EBF4: variants seen among roughly 807,000 people sequenced by gnomAD.
EBF4 encodes the protein transcription factor COE4.
Under a neutral mutation model 67.1 loss-of-function variants are expected in EBF4, and 34 were observed. The observed-to-expected ratio is 0.51, with a 90% CI of 0.39 to 0.67. The LOEUF (loss-of-function observed/expected upper bound fraction) is 0.67, where lower values mean the gene tolerates loss of function less well. Among genes scored for constraint, EBF4 ranks in the 30% least tolerant of loss-of-function variants. EBF4 has a pLI of 0.00. For synonymous variants in EBF4, 387 were observed against 377.7 expected, an observed-to-expected ratio of 1.02 and a Z score of -0.29; for missense variants, 837 against 873.3, an observed-to-expected ratio of 0.96 and a Z score of 0.52.
At chr20:2,741,955 A>C (rs917896190) in intron 6 of EBF4, among the ~76,000 whole-genome samples, 1 of 152,168 alleles carries the variant, frequency 6.6e-6, no homozygotes, top group African/African-American at 2.4e-5. Context: ...AAAAGCCCAA[A>C]ACTAGGAGCA....
chr20:2,706,020 G>A (rs202097996), exon 3 of EBF4: 112 of 1,551,452 alleles, frequency 7.2e-5, no homozygotes, highest in South Asian at 8.3e-5. Flanking sequence ...TACCGCCTCC[G>A]GCTGGTGTAT....
chr20:2,698,207 G>A (rs1178745074), intron 1 of EBF4, among the ~76,000 whole-genome samples: 1 of 152,196 alleles, frequency 6.6e-6, no homozygotes, highest in Non-Finnish European at 1.5e-5. Flanking sequence ...CAATTTCCTG[G>A]GGCAGGTGAG....
intron 10 of EBF4, among the ~76,000 whole-genome samples, chr20:2,750,806 C>G (rs1376783555): frequency 6.6e-6 from 1 of 152,158 alleles, no homozygotes; most frequent in East Asian, 1.9e-4. Flanking sequence ...CTGAGCCCGG[C>G]TCAACCGAAA....
At chr20:2,727,426 G>A (rs954372436) in intron 6 of EBF4, among the ~76,000 whole-genome samples, 2 of 152,184 alleles carry the variant, frequency 1.3e-5, no homozygotes, top group African/African-American at 4.8e-5. Context: ...AAGTGCCACA[G>A]TTGTCCCTGC....
rs943264329 is a variant in EBF4, at chr20:2,752,748, C to T, written c.1540+203C>T. Among the ~76,000 whole-genome samples, 13 of 152,348 alleles carry T rather than the reference C, an allele frequency of 8.5e-5. No individual in the cohort carries two copies. The East Asian group carries it at 2.5e-3, about 29-fold the overall frequency. ...AACCCCACCCCTAGGCTGCACATCC[C>T]GGGGTCCTGGGGCCAGAGTACTCCG... On this transcript the variant is annotated intron_variant, in intron 14 of 16. Coordinates refer to ENST00000609451, the Ensembl canonical transcript of EBF4.
chr20:2,718,630 C>G (rs2146417112), intron 6 of EBF4, among the ~76,000 whole-genome samples: 1 of 152,270 alleles, frequency 6.6e-6, no homozygotes, highest in Admixed American at 6.5e-5. Context: ...AGTGATGTCA[C>G]CTCTCTCATT....
At chr20:2,749,697 G>A (rs1248044452) in exon 9 of EBF4, 5 of 1,562,560 alleles carry the variant, frequency 3.2e-6, no homozygotes, top group Non-Finnish European at 4.3e-6. Context: ...TGTCATCGGC[G>A]ACAACTTCTT....
At chr20:2,692,893 C>A (rs1423122124), upstream of EBF4, 6 of 145,184 alleles carry the variant, frequency 4.1e-5, no homozygotes, top group South Asian at 5.4e-4. This position sits in a 1 kb window ranked among gnomAD's most constrained non-coding sequence, Gnocchi z 6.4. Context: ...CGCGGCGGGG[C>A]GGCGCGGGAA....
intron 6 of EBF4, among the ~76,000 whole-genome samples, chr20:2,736,889 G>A (rs1200977026): frequency 6.6e-6 from 1 of 152,222 alleles, no homozygotes; most frequent in Non-Finnish European, 1.5e-5. Context: ...CCGAAGCCAA[G>A]CTTAGGGCCA....
rs763058543 is a variant in EBF4, at chr20:2,737,215, A to C, written c.558-11334A>C. Reference sequence around the variant, plus strand: ...CAGTGAGCCGAGATCGCGCCACTGCACTCCAGCTTGGGTAACAGGAGCGAA... The same window carrying C: ...CAGTGAGCCGAGATCGCGCCACTGCCCTCCAGCTTGGGTAACAGGAGCGAA... On this transcript the variant is annotated intron_variant, in intron 6 of 16. Coordinates refer to ENST00000609451, the Ensembl canonical transcript of EBF4. Among the ~76,000 whole-genome samples the C allele has an allele frequency of 1.1e-3, 159 of 146,848 alleles. 2 individuals are homozygous for C. Among genetic ancestry groups the C allele is most frequent in the Non-Finnish European group, 4.3e-4 (29 of 67,222 alleles).
At chr20:2,750,524 G>T (rs1351903451) in intron 10 of EBF4, among the ~76,000 whole-genome samples, 1 of 151,980 alleles carries the variant, frequency 6.6e-6, no homozygotes, top group Non-Finnish European at 1.5e-5. Context: ...CTATTTGGCC[G>T]CTGGCCGAGT....
At chr20:2,737,211 C>A (rs1227964678) in intron 6 of EBF4, among the ~76,000 whole-genome samples, 1 of 147,238 alleles carries the variant, frequency 6.8e-6, no homozygotes, top group Non-Finnish European at 1.5e-5. Context: ...GATCGCGCCA[C>A]TGCACTCCAG....
At chr20:2,748,662 C>G in intron 7 of EBF4, 32 bp downstream of exon 7, 1 of 1,543,310 alleles carries the variant, frequency 6.5e-7, no homozygotes, top group Non-Finnish European at 8.8e-7. Context: ...CCCCTTGCAA[C>G]CCCACCCTTT....
chr20:2,694,652 C>T (rs898194095), intron 1 of EBF4, among the ~76,000 whole-genome samples: 9 of 152,148 alleles, frequency 5.9e-5, no homozygotes, highest in African/African-American at 2.2e-4. Flanking sequence ...ACAGCTGGGA[C>T]AGGGTGGGCA....
chr20:2,718,159 G>A (rs1354660552), intron 6 of EBF4, among the ~76,000 whole-genome samples: 3 of 152,078 alleles, frequency 2.0e-5, no homozygotes, highest in East Asian at 1.9e-4. Flanking sequence ...CACTTAATAA[G>A]GATGTATTAT....
In EBF4 at chr20:2,693,782, G is replaced by T; in HGVS notation, c.137G>T (p.Ser46Ile). 7.5e-7 allele frequency: 1 copy of T among 1,325,024 alleles called. No individual in the cohort carries two copies. Among genetic ancestry groups the T allele is most frequent in the Non-Finnish European group, 9.6e-7 (1 of 1,038,642 alleles). 82.1% of individuals were successfully genotyped at this position (1,325,024 alleles called of 1,614,324 possible). A position where few individuals can be genotyped will look rare whatever the true frequency, so the allele number is the denominator to read the frequency against. Residue 46 changes from serine to isoleucine, a missense_variant and splice_region_variant, in exon 1 of 17, where the codon AGT becomes ATT. Physicochemically the swap from Ser to Ile is moderately radical, Grantham distance 142 (BLOSUM62 -2). Around this residue, in one of 3 missense-constraint regions of EBF4, gnomAD observed 86 missense variants for 70.3 expected, o/e 1.22. Coordinates refer to ENST00000609451, the Ensembl canonical transcript of EBF4. The surrounding 1 kb of genome is among the most constrained non-coding windows in gnomAD (Gnocchi z 4.6). ...CTGGACGCCAGCACCGCGGCGCAGA[G>T]GTAAGCGCTCGGACCGGACCCGGTG... is the stretch of plus-strand genomic sequence containing the variant.
chr20:2,748,104 T>C lies in EBF4; in HGVS notation c.558-445T>C, dbSNP rs949643444. On this transcript the variant is annotated intron_variant, in intron 6 of 16. Transcript: ENST00000609451. ...TGGGTGATGAGCATATACTGTGACGTATACACAGTGTGTGATAACATTACA... is the reference window on the plus strand; with the variant it reads ...TGGGTGATGAGCATATACTGTGACGCATACACAGTGTGTGATAACATTACA... Among the ~76,000 whole-genome samples, 5 of 152,294 alleles carry C rather than the reference T, an allele frequency of 3.3e-5. No individual in the cohort carries two copies. The East Asian group carries it at 9.6e-4, about 29-fold the overall frequency.
At chr20:2,750,425 A>G (rs971283944) in intron 10 of EBF4, among the ~76,000 whole-genome samples, 5 of 152,100 alleles carry the variant, frequency 3.3e-5, no homozygotes, top group African/African-American at 1.2e-4. Flanking sequence ...ACACGCACAC[A>G]CACGTGCGTA....
At chr20:2,693,383 G>A (rs1242733721), upstream of EBF4, among the ~76,000 whole-genome samples, 4 of 150,804 alleles carry the variant, frequency 2.7e-5, no homozygotes, top group African/African-American at 7.3e-5. The surrounding 1 kb of genome is among the most constrained non-coding windows in gnomAD (Gnocchi z 4.6). Context: ...CCCGCTCGCA[G>A]TCCGCCCGCC....
Sources: gnomAD v4.1 joint callset for allele counts (sites outside exome capture counted in the v4.1 genomes callset) on GRCh38, gnomAD v4.1.1 for gene constraint, gnomAD v4.1.1 regional missense constraint, Gnocchi (gnomAD v3.1) non-coding constraint, MANE v1.5 for transcripts, NCBI Gene and HGNC (gene_info 2026-07-23, HGNC 2026-07-21) for gene names.